The following SNX9 variants were observed in gnomAD, a reference collection of about 807,000 sequenced individuals.
SNX9 encodes the protein sorting nexin-9.
SNX9 carries 44 observed loss-of-function variants against 89.4 expected under a neutral mutation model. The ratio of observed to expected loss-of-function variants is 0.49; its 90% CI spans 0.39 to 0.63. The LOEUF is 0.63. SNX9 is among the 30% of genes least tolerant of loss of function. The pLI, the probability that SNX9 is intolerant of heterozygous loss-of-function variation, is 0.00. For synonymous variants in SNX9, 236 were observed against 247.8 expected, an observed-to-expected ratio of 0.95 and a Z score of 0.45; for missense variants, 578 against 736.1, an observed-to-expected ratio of 0.79 and a Z score of 2.49.
At chr6:157,913,112 C>T (rs573712044) in intron 9 of SNX9, among the ~76,000 whole-genome samples, 2 of 152,262 alleles carry the variant, frequency 1.3e-5, no homozygotes, top group Non-Finnish European at 2.9e-5. Context: ...ACTGGCTTTC[C>T]GGCCAGGAGG....
At chr6:157,926,398 C>T (rs1562620688) in intron 10 of SNX9, among the ~76,000 whole-genome samples, 1 of 152,132 alleles carries the variant, frequency 6.6e-6, no homozygotes, top group Non-Finnish European at 1.5e-5. Context: ...AAAAAAATAG[C>T]TCATAATACT....
intron 1 of SNX9, among the ~76,000 whole-genome samples, chr6:157,858,071 A>G (rs1333792547): frequency 6.6e-6 from 1 of 152,010 alleles, no homozygotes. Context: ...TCGGATCTGC[A>G]GAGTTACTAA....
chr6:157,900,933 C>T (rs796372375), intron 5 of SNX9, among the ~76,000 whole-genome samples: 9 of 152,242 alleles, frequency 5.9e-5, no homozygotes, highest in African/African-American at 2.2e-4. Context: ...CTAAAGAGGC[C>T]CAGAAGAGCC....
intron 4 of SNX9, among the ~76,000 whole-genome samples, chr6:157,881,511 A>G (rs1782623286): frequency 6.6e-6 from 1 of 152,206 alleles, no homozygotes; most frequent in Non-Finnish European, 1.5e-5. Context: ...AAGCTTAGTG[A>G]GGAAGGCTTG....
chr6:157,858,842 GACTT>G (rs1472209584), intron 1 of SNX9, among the ~76,000 whole-genome samples: 1 of 152,116 alleles, frequency 6.6e-6, no homozygotes, highest in Non-Finnish European at 1.5e-5. Context: ...GATCTCATGA[GACTT>G]ACTCACTACC....
At chr6:157,901,585 C>G (rs751844551) in intron 5 of SNX9, among the ~76,000 whole-genome samples, 3 of 151,802 alleles carry the variant, frequency 2.0e-5, no homozygotes, top group Non-Finnish European at 4.4e-5. Flanking sequence ...GCACGACTTA[C>G]TAAAGAGACT....
chr6:157,862,412 T>C (rs1782155890), intron 1 of SNX9, among the ~76,000 whole-genome samples: 1 of 152,212 alleles, frequency 6.6e-6, no homozygotes, highest in South Asian at 2.1e-4. Context: ...TAGTTATACA[T>C]AGAAATATTA....
chr6:157,942,566 C>T (rs1005530094), intron 17 of SNX9, among the ~76,000 whole-genome samples: 3 of 152,212 alleles, frequency 2.0e-5, no homozygotes, highest in South Asian at 2.1e-4. Context: ...AGACGCCTCC[C>T]GGCGGGAAGG....
At chr6:157,892,288 A>G (rs1031674910) in intron 4 of SNX9, among the ~76,000 whole-genome samples, 1 of 152,162 alleles carries the variant, frequency 6.6e-6, no homozygotes, top group Non-Finnish European at 1.5e-5. Context: ...GGGTTCAGAG[A>G]GAAAGCCAGT....
chr6:157,873,187 C>T lies in SNX9; in HGVS notation c.174+11C>T. The T allele has an allele frequency of 5.1e-6, 8 of 1,569,766 alleles. No individual in the cohort carries two copies. The highest frequency in any genetic ancestry group is 6.9e-6 in the Non-Finnish European group (8 of 1,157,304). ...ACAGACTACGTTGAAGTAAGAGCTT[C>T]CTGTCATTCATTCATTAGAGCTCAT... On this transcript the variant is annotated intron_variant, in intron 3 of 17. Transcript: ENST00000392185.
At chr6:157,925,247 A>AGC (rs1412299397) in intron 10 of SNX9, among the ~76,000 whole-genome samples, 1 of 152,198 alleles carries the variant, frequency 6.6e-6, no homozygotes, top group African/African-American at 2.4e-5. Flanking sequence ...AGATGTGTAG[A>AGC]AAAGTACCTA....
chr6:157,938,775 C>G, intron 16 of SNX9, 28 bp downstream of exon 16: 2 of 1,544,538 alleles, frequency 1.3e-6, no homozygotes, highest in African/African-American at 2.9e-5. Context: ...TTATGAGGTG[C>G]TGGTGGAAGT....
chr6:157,825,195 C>T (rs1005219021), intron 1 of SNX9, among the ~76,000 whole-genome samples: 1 of 152,130 alleles, frequency 6.6e-6, no homozygotes, highest in Non-Finnish European at 1.5e-5. Context: ...TTGCAGTGAT[C>T]CGAGATCGCG....
chr6:157,885,874 T>A (rs1023397245), intron 4 of SNX9, among the ~76,000 whole-genome samples: 1 of 152,228 alleles, frequency 6.6e-6, no homozygotes, highest in African/African-American at 2.4e-5. Context: ...AGGTGGCCCA[T>A]AAGAGCTGCG....
intron 10 of SNX9, among the ~76,000 whole-genome samples, chr6:157,926,780 CAAAA>C (rs71027371): frequency 0.01 from 615 of 60,700 alleles, 4 homozygotes; most frequent in Non-Finnish European, 0.017. Context: ...GACTCTGTCT[CAAAA>C]AAAAAAAAAA....
intron 10 of SNX9, among the ~76,000 whole-genome samples, chr6:157,923,296 G>A (rs938111862): frequency 6.6e-6 from 1 of 152,152 alleles, no homozygotes; most frequent in African/African-American, 2.4e-5. Context: ...GTAAGTAGCA[G>A]CTCGTGTAAA....
chr6:157,881,433 C>T (rs1254029027), intron 4 of SNX9, among the ~76,000 whole-genome samples: 1 of 152,112 alleles, frequency 6.6e-6, no homozygotes, highest in African/African-American at 2.4e-5. Context: ...CCTGCAGTGG[C>T]CTCTAAGTGT....
At chr6:157,902,703 T>G (rs1783131217) in intron 6 of SNX9, among the ~76,000 whole-genome samples, 1 of 152,182 alleles carries the variant, frequency 6.6e-6, no homozygotes, top group Non-Finnish European at 1.5e-5. Flanking sequence ...CGTCTCGCTC[T>G]GTCACCCAGG....
chr6:157,843,258 G>A (rs556538621), intron 1 of SNX9, among the ~76,000 whole-genome samples: 2 of 152,218 alleles, frequency 1.3e-5, no homozygotes, highest in East Asian at 3.9e-4. Context: ...AACAATGTGG[G>A]GGTTAGGAGC....
Sources: gnomAD v4.1 joint callset for allele counts (sites outside exome capture counted in the v4.1 genomes callset) on GRCh38, gnomAD v4.1.1 for gene constraint, MANE v1.5 for transcripts, NCBI Gene and HGNC (gene_info 2026-07-23, HGNC 2026-07-21) for gene names.